Variants in FBXW10B observed in about 807,000 individuals in gnomAD.
FBXW10B encodes F-box and WD repeat domain containing 10B.
At chr17:15,577,546 A>C in the FBXW10B span, among the ~76,000 whole-genome samples, 8 of 151,782 alleles carry the variant, frequency 5.3e-5, no homozygotes, top group East Asian at 1.2e-3. Flanking sequence ...GAATATGAAG[A>C]GTTAACTGTC....
the FBXW10B span, among the ~76,000 whole-genome samples, chr17:15,583,360 CCT>C: frequency 2.2e-4 from 31 of 141,400 alleles, no homozygotes; most frequent in African/African-American, 7.9e-4. Flanking sequence ...AGAAACACCC[CCT>C]GTCCACCACC....
the FBXW10B span, among the ~76,000 whole-genome samples, chr17:15,590,128 C>A: frequency 6.7e-6 from 1 of 148,748 alleles, no homozygotes; most frequent in African/African-American, 2.5e-5. Context: ...GCATCCTTCG[C>A]GGCTGAATTC....
chr17:15,581,337 A>G, the FBXW10B span, among the ~76,000 whole-genome samples: 1 of 152,242 alleles, frequency 6.6e-6, no homozygotes, highest in African/African-American at 2.4e-5. Flanking sequence ...GGAATAGTAG[A>G]GCTCACTCTA....
At chr17:15,616,238 G>A in the FBXW10B span, among the ~76,000 whole-genome samples, 304 of 151,940 alleles carry the variant, frequency 2.0e-3, 2 homozygotes, top group Middle Eastern at 0.021. Flanking sequence ...GCAATGGCTC[G>A]GTCTTGGCTC....
At chr17:15,590,899 C>T in the FBXW10B span, among the ~76,000 whole-genome samples, 100 of 152,350 alleles carry the variant, frequency 6.6e-4, 1 homozygote, top group African/African-American at 2.2e-3. Flanking sequence ...TCAACTTCCT[C>T]AAACCTGGCA....
At chr17:15,575,884 A>T in the FBXW10B span, among the ~76,000 whole-genome samples, 2 of 152,206 alleles carry the variant, frequency 1.3e-5, no homozygotes, top group Non-Finnish European at 2.9e-5. Context: ...CCAGATGTGT[A>T]TCTAAAGCTA....
the FBXW10B span, among the ~76,000 whole-genome samples, chr17:15,592,297 T>G: frequency 2.5e-4 from 4 of 16,094 alleles, no homozygotes; most frequent in Admixed American, 2.0e-3. Context: ...TGGCCAGAGT[T>G]TTTTTTTTTT....
chr17:15,598,810 C>A, the FBXW10B span: 1 of 1,123,006 alleles, frequency 8.9e-7, no homozygotes, highest in Non-Finnish European at 1.2e-6. Context: ...GCTGCAGCAC[C>A]TATTTGGTGT....
chr17:15,588,586 G>A, the FBXW10B span: 1 of 373,826 alleles, frequency 2.7e-6, no homozygotes, highest in Non-Finnish European at 5.2e-6. Flanking sequence ...GAACCTATAT[G>A]AATCCAGAAC....
At chr17:15,586,706 C>T in the FBXW10B span, among the ~76,000 whole-genome samples, 3 of 151,382 alleles carry the variant, frequency 2.0e-5, no homozygotes, top group African/African-American at 7.4e-5. Context: ...GTGTGTGATC[C>T]ACTCCATCAG....
At chr17:15,571,083 C>T in the FBXW10B span, among the ~76,000 whole-genome samples, 97 of 151,834 alleles carry the variant, frequency 6.4e-4, no homozygotes, top group African/African-American at 2.0e-3. Flanking sequence ...CAGTGGCTCA[C>T]GCCTGTAATC....
chr17:15,607,068 G>T, the FBXW10B span, among the ~76,000 whole-genome samples: 6 of 151,492 alleles, frequency 4.0e-5, no homozygotes, highest in Non-Finnish European at 4.4e-5. Context: ...ATAGTACTTT[G>T]CTGGGCTGGG....
the FBXW10B span, among the ~76,000 whole-genome samples, chr17:15,583,356 A>G: frequency 9.9e-4 from 137 of 138,640 alleles, no homozygotes; most frequent in African/African-American, 3.4e-3. Context: ...TCCTAGAAAC[A>G]CCCCCTGTCC....
the FBXW10B span, among the ~76,000 whole-genome samples, chr17:15,601,408 CAAAAAA>C: frequency 2.3e-4 from 15 of 66,622 alleles, no homozygotes; most frequent in South Asian, 5.5e-4. Flanking sequence ...GACTCCGTCT[CAAAAAA>C]AAAAAAAAAA....
the FBXW10B span, among the ~76,000 whole-genome samples, chr17:15,578,756 A>G: frequency 6.6e-6 from 1 of 152,140 alleles, no homozygotes; most frequent in African/African-American, 2.4e-5. Context: ...AAAATTCCTA[A>G]GTCTTTGTAC....
the FBXW10B span, among the ~76,000 whole-genome samples, chr17:15,603,795 G>C: frequency 0.17 from 23,503 of 137,532 alleles, 2,493 homozygotes; most frequent in East Asian, 0.32. Flanking sequence ...AACAAGGGCT[G>C]GGCGCGGTGG....
chr17:15,601,758 T>C, the FBXW10B span, among the ~76,000 whole-genome samples: 1 of 152,232 alleles, frequency 6.6e-6, no homozygotes, highest in Non-Finnish European at 1.5e-5. Flanking sequence ...TTAGGTTTTA[T>C]TGAAAGTTGG....
the FBXW10B span, chr17:15,589,263 T>C: frequency 1.9e-6 from 3 of 1,611,920 alleles, no homozygotes; most frequent in Admixed American, 3.3e-5. Context: ...CGTGTCATCC[T>C]GGCTGGTGGG....
the FBXW10B span, among the ~76,000 whole-genome samples, chr17:15,584,603 G>A: frequency 6.6e-6 from 1 of 152,192 alleles, no homozygotes; most frequent in African/African-American, 2.4e-5. Context: ...CATAACACAA[G>A]AAAGCTCTGA....
Sources: gnomAD v4.1 joint callset for allele counts (sites outside exome capture counted in the v4.1 genomes callset) on GRCh38, gnomAD v4.1.1 for gene constraint, MANE v1.5 for transcripts, NCBI Gene and HGNC (gene_info 2026-07-23, HGNC 2026-07-21) for gene names.